Variants in LRP1B observed in about 807,000 individuals in gnomAD.
LRP1B encodes low-density lipoprotein receptor-related protein 1B.
LRP1B carries 217 observed loss-of-function variants against 556.6 expected under a neutral mutation model. The observed-to-expected ratio is 0.39, with a 90% CI of 0.35 to 0.44. LRP1B has a LOEUF of 0.44. Ranked by LOEUF, LRP1B falls within the 20% of genes least tolerant of loss-of-function variation. The probability of loss-of-function intolerance (pLI) is 1.00; values close to 1 mark genes in which losing one functional copy is unlikely to be tolerated. For missense variants in LRP1B, 5,053 were observed against 5,620.8 expected (o/e 0.90, Z 3.23); for synonymous variants, 2,047 against 1,865.8 (o/e 1.10, Z -2.50).
intron 1 of LRP1B, among the ~76,000 whole-genome samples, chr2:141,858,883 A>G (rs1253841388): frequency 2.0e-5 from 3 of 152,190 alleles, no homozygotes; most frequent in Admixed American, 1.3e-4. Context: ...ATTATTATCA[A>G]TTAAAACAAG....
At chr2:141,461,186 A>G (rs1681855037) in intron 3 of LRP1B, among the ~76,000 whole-genome samples, 1 of 152,206 alleles carries the variant, frequency 6.6e-6, no homozygotes, top group Non-Finnish European at 1.5e-5. Flanking sequence ...AGGAGACTCA[A>G]AAGGCACAAT....
intron 1 of LRP1B, among the ~76,000 whole-genome samples, chr2:141,882,773 T>C (rs934021279): frequency 6.6e-6 from 1 of 152,158 alleles, no homozygotes. Context: ...AGTTGCACAA[T>C]CACAGCTCAC....
At chr2:140,339,670 G>A (rs966524692) in intron 77 of LRP1B, among the ~76,000 whole-genome samples, 3 of 151,478 alleles carry the variant, frequency 2.0e-5, no homozygotes, top group Admixed American at 6.6e-5. Flanking sequence ...CCAATGAGTG[G>A]ATGTAAAATA....
At chr2:141,086,772 C>G (rs1448399437) in intron 7 of LRP1B, among the ~76,000 whole-genome samples, 1 of 152,066 alleles carries the variant, frequency 6.6e-6, no homozygotes, top group Non-Finnish European at 1.5e-5. Flanking sequence ...TGAACCAGCC[C>G]ATTTGATTCA....
chr2:141,604,666 C>T (rs1054852480), intron 2 of LRP1B, among the ~76,000 whole-genome samples: 1 of 152,044 alleles, frequency 6.6e-6, no homozygotes, highest in Admixed American at 6.6e-5. Flanking sequence ...TTCGTTTTAG[C>T]CTTTTTTGAA....
intron 31 of LRP1B, among the ~76,000 whole-genome samples, chr2:140,836,980 T>G (rs1691927603): frequency 6.6e-6 from 1 of 152,192 alleles, no homozygotes; most frequent in South Asian, 2.1e-4. Context: ...AGAGGCCCAC[T>G]TGGTTACATA....
At chr2:140,723,457 G>A (rs1326670851) in intron 35 of LRP1B, among the ~76,000 whole-genome samples, 5 of 152,060 alleles carry the variant, frequency 3.3e-5, no homozygotes, top group Non-Finnish European at 7.3e-5. Context: ...TGAATTAAGA[G>A]GAGTCATCAA....
intron 18 of LRP1B, among the ~76,000 whole-genome samples, chr2:140,973,050 TTTTA>T (rs1420110354): frequency 9.8e-5 from 4 of 40,916 alleles, no homozygotes; most frequent in African/African-American, 2.9e-4. Flanking sequence ...ATATATTTCA[TTTTA>T]TATATATATA....
At chr2:141,715,935 AC>A (rs1165688920) in intron 2 of LRP1B, among the ~76,000 whole-genome samples, 1 of 152,318 alleles carries the variant, frequency 6.6e-6, no homozygotes, top group East Asian at 1.9e-4. Flanking sequence ...TGACAAGTTT[AC>A]CTTTTTGTAT....
intron 1 of LRP1B, among the ~76,000 whole-genome samples, chr2:141,974,215 CT>C (rs1701821128): frequency 3.3e-5 from 5 of 152,078 alleles, no homozygotes; most frequent in Admixed American, 3.3e-4. Flanking sequence ...TGTTAAGTTT[CT>C]TTCTTTGCTG....
At chr2:140,548,498 C>T (rs1370366739) in intron 43 of LRP1B, among the ~76,000 whole-genome samples, 1 of 152,074 alleles carries the variant, frequency 6.6e-6, no homozygotes, top group Non-Finnish European at 1.5e-5. Context: ...CACATCGCCT[C>T]CTTAGGAATT....
chr2:140,838,457 T>A (rs925110671), intron 31 of LRP1B, among the ~76,000 whole-genome samples: 1 of 152,284 alleles, frequency 6.6e-6, no homozygotes, highest in East Asian at 1.9e-4. Flanking sequence ...AGAAAATAGC[T>A]GTTAACAGTA....
chr2:141,288,136 A>G (rs1370781940), intron 3 of LRP1B, among the ~76,000 whole-genome samples: 1 of 152,030 alleles, frequency 6.6e-6, no homozygotes. Flanking sequence ...TTACATCTCT[A>G]TATATTATAC....
At chr2:141,473,328 C>T (rs1214167926) in intron 3 of LRP1B, among the ~76,000 whole-genome samples, 1 of 152,142 alleles carries the variant, frequency 6.6e-6, no homozygotes, top group East Asian at 1.9e-4. Flanking sequence ...GTGCACAATC[C>T]TAATTTCATG....
chr2:141,789,744 A>G (rs1312983236), intron 2 of LRP1B, among the ~76,000 whole-genome samples: 1 of 152,016 alleles, frequency 6.6e-6, no homozygotes, highest in Non-Finnish European at 1.5e-5. Flanking sequence ...AGTATTGGTA[A>G]GGTGAGTAGG....
At chr2:140,863,596 G>A (rs1486559478) in intron 27 of LRP1B, among the ~76,000 whole-genome samples, 1 of 152,104 alleles carries the variant, frequency 6.6e-6, no homozygotes, top group Non-Finnish European at 1.5e-5. Flanking sequence ...TCTTGTCTCT[G>A]ATTTATTCTT....
At chr2:141,908,133 T>C (rs527777622) in intron 1 of LRP1B, among the ~76,000 whole-genome samples, 1 of 152,226 alleles carries the variant, frequency 6.6e-6, no homozygotes, top group African/African-American at 2.4e-5. Flanking sequence ...GGCATAACTA[T>C]TGCTATCATT....
At chr2:141,502,814 G>A (rs1166633308) in intron 2 of LRP1B, among the ~76,000 whole-genome samples, 2 of 149,936 alleles carry the variant, frequency 1.3e-5, no homozygotes, top group South Asian at 2.1e-4. Flanking sequence ...AGCCAAGATT[G>A]TGCCACTGTA....
At chr2:141,018,853 T>C (rs1489119673) in intron 12 of LRP1B, among the ~76,000 whole-genome samples, 1 of 152,090 alleles carries the variant, frequency 6.6e-6, no homozygotes, top group African/African-American at 2.4e-5. Context: ...ACTCACTGCC[T>C]AGGAACCCTG....
Sources: gnomAD v4.1 joint callset for allele counts (sites outside exome capture counted in the v4.1 genomes callset) on GRCh38, gnomAD v4.1.1 for gene constraint, MANE v1.5 for transcripts, NCBI Gene and HGNC (gene_info 2026-07-23, HGNC 2026-07-21) for gene names.